Variants in NDUFAF6 observed in about 807,000 individuals in gnomAD.
NDUFAF6 encodes NADH:ubiquinone oxidoreductase complex assembly factor 6.
NDUFAF6 carries 45 observed loss-of-function variants against 40.8 expected under a neutral mutation model. The ratio of observed to expected loss-of-function variants is 1.10; its 90% CI spans 0.87 to 1.42. NDUFAF6 has a LOEUF of 1.42. Among genes scored for constraint, NDUFAF6 ranks in the 40% most tolerant of loss-of-function variants. NDUFAF6 has a pLI of 0.00. For missense variants in NDUFAF6, 435 were observed against 418.5 expected (o/e 1.04, Z -0.34); for synonymous variants, 185 against 155.9 (o/e 1.19, Z -1.39).
intron 2 of NDUFAF6, among the ~76,000 whole-genome samples, chr8:95,001,065 C>T (rs982740502): frequency 1.3e-5 from 2 of 150,952 alleles, no homozygotes; most frequent in African/African-American, 4.9e-5. Flanking sequence ...AAGTGATCTT[C>T]CCATCTCAGC....
chr8:94,986,357 C>T (rs1450493851), intron 2 of NDUFAF6, among the ~76,000 whole-genome samples: 7 of 152,206 alleles, frequency 4.6e-5, no homozygotes, highest in African/African-American at 1.4e-4. Context: ...TTGCAGCTAA[C>T]CATACAGCCA....
chr8:95,103,356 G>A (rs1025821796), exon 3 of NDUFAF6: 5 of 152,154 alleles, frequency 3.3e-5, no homozygotes, highest in African/African-American at 7.2e-5. Context: ...GATATAGCTC[G>A]ATCAATCAAT....
At chr8:94,897,561 T>G (rs1817717352) in intron 1 of NDUFAF6, among the ~76,000 whole-genome samples, 1 of 152,196 alleles carries the variant, frequency 6.6e-6, no homozygotes, top group South Asian at 2.1e-4. Context: ...AAATAAACTG[T>G]TGGCCTCTAC....
chr8:95,029,451 A>G (rs1280425928), intron 1 of NDUFAF6, among the ~76,000 whole-genome samples: 2 of 152,218 alleles, frequency 1.3e-5, no homozygotes, highest in South Asian at 2.1e-4. Context: ...TTTGGTCTGT[A>G]TATTGTAAGT....
At chr8:95,016,491 TC>T (rs780194072) in intron 2 of NDUFAF6, among the ~76,000 whole-genome samples, 3 of 152,234 alleles carry the variant, frequency 2.0e-5, no homozygotes, top group Non-Finnish European at 4.4e-5. Flanking sequence ...ACGCCTGTAA[TC>T]CCAGCACTTT....
At chr8:95,039,352 C>T (rs1054044440) in intron 3 of NDUFAF6, among the ~76,000 whole-genome samples, 1 of 151,658 alleles carries the variant, frequency 6.6e-6, no homozygotes, top group African/African-American at 2.4e-5. Context: ...ACTCGGGAGG[C>T]TGAGGCAGGA....
chr8:95,034,720 A>C (rs1028244835), intron 2 of NDUFAF6: 3 of 152,416 alleles, frequency 2.0e-5, no homozygotes, highest in Non-Finnish European at 1.5e-5. Context: ...TCTGACTCCC[A>C]GCAGTAATGT....
chr8:94,932,981 T>A (rs934064911), intron 1 of NDUFAF6, among the ~76,000 whole-genome samples: 4 of 151,572 alleles, frequency 2.6e-5, no homozygotes, highest in Non-Finnish European at 5.9e-5. Context: ...CTTTGGGAGG[T>A]CAAGGTGGGC....
At chr8:95,031,969 C>G (rs1428999443) in intron 1 of NDUFAF6, 26 bp from the exon 2 acceptor site, 3 of 1,593,072 alleles carry the variant, frequency 1.9e-6, no homozygotes, top group Non-Finnish European at 2.6e-6. Context: ...TGAAGAGTAA[C>G]TGTCTTTTTT....
chr8:95,022,228 T>A (rs1018286458), upstream of NDUFAF6, among the ~76,000 whole-genome samples: 2 of 151,998 alleles, frequency 1.3e-5, no homozygotes, highest in Non-Finnish European at 2.9e-5. Flanking sequence ...ATAGCTGTAA[T>A]GAAAATACCT....
At chr8:95,034,021 G>C (rs1829180846) in intron 2 of NDUFAF6, 1 of 457,662 alleles carries the variant, frequency 2.2e-6, no homozygotes, top group African/African-American at 2.0e-5. Flanking sequence ...TACTCTTGCT[G>C]CTGTCTTGCT....
chr8:94,964,599 G>A (rs551127100), intron 1 of NDUFAF6, among the ~76,000 whole-genome samples: 17 of 152,236 alleles, frequency 1.1e-4, no homozygotes, highest in South Asian at 6.2e-4. Flanking sequence ...GGGAGAACAG[G>A]CATGTTACAT....
chr8:94,905,416 C>A (rs1387008700), intron 1 of NDUFAF6, among the ~76,000 whole-genome samples: 2 of 151,838 alleles, frequency 1.3e-5, no homozygotes, highest in African/African-American at 4.8e-5. Flanking sequence ...GGCAGCTTTC[C>A]TTGATTCTCA....
At chr8:95,021,509 C>T (rs1439351544), upstream of NDUFAF6, among the ~76,000 whole-genome samples, 1 of 152,182 alleles carries the variant, frequency 6.6e-6, no homozygotes, top group Non-Finnish European at 1.5e-5. Context: ...ATATTTCCAA[C>T]TCTGTGAGCC....
chr8:95,115,945 C>G (rs1208319930), intron 5 of NDUFAF6, among the ~76,000 whole-genome samples: 1 of 152,134 alleles, frequency 6.6e-6, no homozygotes, highest in Admixed American at 6.6e-5. Context: ...AGAGAACAGC[C>G]TGACCAACAT....
At chr8:95,023,177 A>G (rs1241876407), upstream of NDUFAF6, 3 of 152,180 alleles carry the variant, frequency 2.0e-5, no homozygotes, top group South Asian at 2.1e-4. Flanking sequence ...TAGTGAAGCA[A>G]CTTTCCCAGA....
At chr8:95,019,141 G>C (rs61287848) in intron 2 of NDUFAF6, among the ~76,000 whole-genome samples, 1,800 of 152,294 alleles carry the variant, frequency 0.012, 44 homozygotes, top group African/African-American at 0.04. Context: ...CTCCCAAGTA[G>C]CTGGGACTAC....
In NDUFAF6 at chr8:95,088,764, TTTATTA is replaced by T. The variant is rs1197116414; in HGVS notation, n.214-12365_214-12360del. ...TTTTCTTGTTTTTATTTTATTTTAT[TTTATTA>T]TTTTTTTTGAGACAGCGTCTCACTT... On this transcript the variant is annotated intron_variant and non_coding_transcript_variant, in intron 2 of 5. Transcript: ENST00000523184. 9.1e-3 allele frequency among the ~76,000 whole-genome samples: 1,370 copies of T among 150,070 alleles called. 21 individuals are homozygous for T. The highest frequency in any genetic ancestry group is 0.032 in the African/African-American group (1,284 of 40,680).
upstream of NDUFAF6, among the ~76,000 whole-genome samples, chr8:95,023,539 A>T (rs1459046338): frequency 1.3e-5 from 2 of 152,178 alleles, no homozygotes; most frequent in Non-Finnish European, 2.9e-5. Context: ...CCATGATCAG[A>T]TGGACATTTT....
Sources: gnomAD v4.1 joint callset for allele counts (sites outside exome capture counted in the v4.1 genomes callset) on GRCh38, gnomAD v4.1.1 for gene constraint, MANE v1.5 for transcripts, NCBI Gene and HGNC (gene_info 2026-07-23, HGNC 2026-07-21) for gene names.